PPP2R5C: variants seen among roughly 807,000 people sequenced by gnomAD.
The protein encoded by PPP2R5C is serine/threonine-protein phosphatase 2A 56 kDa regulatory subunit gamma isoform.
Under a neutral mutation model 68.9 loss-of-function variants are expected in PPP2R5C, and 7 were observed. That is an observed-to-expected ratio of 0.10 (90% confidence interval 0.06 to 0.19). The LOEUF (loss-of-function observed/expected upper bound fraction) is 0.19. Ranked by LOEUF, PPP2R5C falls within the 10% of genes least tolerant of loss-of-function variation. PPP2R5C has a pLI of 1.00. For missense variants in PPP2R5C, 348 were observed against 641.3 expected (o/e 0.54, Z 4.94); for synonymous variants, 210 against 222.2 (o/e 0.95, Z 0.49).
chr14:101,917,959 C>T lies in PPP2R5C; in HGVS notation c.1443+12C>T. On this transcript the variant is annotated intron_variant, in intron 13 of 13. Coordinates refer to ENST00000334743, the Ensembl canonical transcript of PPP2R5C. The surrounding 1 kb of genome is among the most constrained non-coding windows in gnomAD (Gnocchi z 4.4). Reference sequence around the variant, plus strand: ...ACGAGGCTCATCAGGTAAAAGTGCACCGAGCTCAGCTGGGCACCCATGACT... The same window carrying T: ...ACGAGGCTCATCAGGTAAAAGTGCATCGAGCTCAGCTGGGCACCCATGACT... The T allele has an allele frequency of 6.2e-7, 1 of 1,613,724 alleles. No individual in the cohort carries two copies. The highest frequency in any genetic ancestry group is 1.1e-5 in the South Asian group (1 of 91,078).
At chr14:101,788,392 G>A (rs558720382) in intron 3 of PPP2R5C, among the ~76,000 whole-genome samples, 21 of 152,230 alleles carry the variant, frequency 1.4e-4, no homozygotes, top group African/African-American at 2.9e-4. Flanking sequence ...CAGTTTTGTC[G>A]CCGTATATTA....
intron 12 of PPP2R5C, 133 bp downstream of exon 14, chr14:101,912,606 AG>A (rs2046460347): frequency 1.5e-6 from 2 of 1,336,250 alleles, no homozygotes; most frequent in African/African-American, 3.0e-5. Context: ...TGCAATAAAA[AG>A]TACTTTTAAA....
rs1190389763 is a variant in PPP2R5C, at chr14:101,906,112, T to C, written c.1024-290T>C. On this transcript the variant is annotated intron_variant, in intron 9 of 13. Coordinates refer to ENST00000334743, the Ensembl canonical transcript of PPP2R5C. This position sits in a 1 kb window ranked among gnomAD's most constrained non-coding sequence, Gnocchi z 4.0. ...GGTGGATAGGTGGAATGGCCTCCTT[T>C]GAGTTGTCTCCTCAGCATCTAGCCA... is the stretch of plus-strand genomic sequence containing the variant. 6.6e-6 allele frequency among the ~76,000 whole-genome samples: 1 copy of C among 152,222 alleles called. No homozygotes were observed. Among genetic ancestry groups the C allele is most frequent in the Non-Finnish European group, 1.5e-5 (1 of 68,038 alleles).
In PPP2R5C at chr14:101,781,189, G is replaced by A. The variant is rs1281253868; in HGVS notation, c.94-4829G>A. 6.6e-6 allele frequency among the ~76,000 whole-genome samples: 1 copy of A among 152,174 alleles called. No individual in the cohort carries two copies. The highest frequency in any genetic ancestry group is 1.5e-5 in the Non-Finnish European group (1 of 68,028). On this transcript the variant is annotated intron_variant, in intron 2 of 14. Transcript: ENST00000328724. This position sits in a 1 kb window ranked among gnomAD's most constrained non-coding sequence, Gnocchi z 6.4. Reference sequence around the variant, plus strand: ...TCGGGGCTGCGGCAGGGTCCCCACCGGGCTGTCCACGAACCAGCGAACCAG... The same window carrying A: ...TCGGGGCTGCGGCAGGGTCCCCACCAGGCTGTCCACGAACCAGCGAACCAG...
At chr14:101,763,847 T>C (rs1008901284) in intron 2 of PPP2R5C, among the ~76,000 whole-genome samples, 1 of 152,238 alleles carries the variant, frequency 6.6e-6, no homozygotes, top group African/African-American at 2.4e-5. Flanking sequence ...TGGTTAGTTC[T>C]TTTTCTTCCA....
At chr14:101,803,614 C>G (rs1309234446) in intron 3 of PPP2R5C, among the ~76,000 whole-genome samples, 1 of 151,902 alleles carries the variant, frequency 6.6e-6, no homozygotes. Context: ...GTCCCAGCAA[C>G]TTGGGAGGCT....
intron 2 of PPP2R5C, among the ~76,000 whole-genome samples, chr14:101,769,212 A>G (rs1436639670): frequency 6.6e-6 from 1 of 152,052 alleles, no homozygotes; most frequent in South Asian, 2.1e-4. Flanking sequence ...TGTGTCTTCC[A>G]TATTTTAAAT....
rs568234044 is a variant in PPP2R5C at position 101,917,459 on chromosome 14, A to AG, written c.1327-370dup. Among the ~76,000 whole-genome samples, 18 of 152,206 alleles carry AG rather than the reference A, an allele frequency of 1.2e-4. No homozygotes were observed. The highest frequency in any genetic ancestry group is 4.3e-4 in the African/African-American group (18 of 41,540). ...TCGCTGGCAAAGAATGGGCGGCCAG[A>AG]GGTGAGGGTTCCAGTGGTGAGACAG... On this transcript the variant is annotated intron_variant, in intron 12 of 13. Transcript: ENST00000334743. This position sits in a 1 kb window ranked among gnomAD's most constrained non-coding sequence, Gnocchi z 4.4.
exon 14 of PPP2R5C, chr14:101,925,171 C>A: frequency 6.2e-7 from 1 of 1,614,158 alleles, no homozygotes; most frequent in Non-Finnish European, 8.5e-7. Flanking sequence ...GGACCGTCCT[C>A]TTGCACGCCG....
At chr14:101,850,508 C>A (rs1215185900) in intron 1 of PPP2R5C, among the ~76,000 whole-genome samples, 2 of 152,078 alleles carry the variant, frequency 1.3e-5, no homozygotes, top group African/African-American at 4.8e-5. Context: ...CGAAACAGTC[C>A]ATGTTCATGA....
chr14:101,902,779 T>C (rs947413172), intron 9 of PPP2R5C, among the ~76,000 whole-genome samples: 9 of 152,134 alleles, frequency 5.9e-5, no homozygotes, highest in Non-Finnish European at 1.3e-4. Context: ...CCTTTCAAGA[T>C]GGTTTTGGAA....
intron 2 of PPP2R5C, among the ~76,000 whole-genome samples, chr14:101,871,660 T>TC (rs759150693): frequency 3.3e-5 from 5 of 151,016 alleles, no homozygotes; most frequent in Non-Finnish European, 5.9e-5. Context: ...CTATTTTTTT[T>TC]CTATTTGTCC....
At chr14:101,893,249 A>G in intron 7 of PPP2R5C, 141 bp downstream of exon 9, 1 of 568,408 alleles carries the variant, frequency 1.8e-6, no homozygotes. Flanking sequence ...TCTGGTGATA[A>G]TCGAAAGAAT....
At chr14:101,802,649 A>T (rs2038915639) in intron 3 of PPP2R5C, among the ~76,000 whole-genome samples, 1 of 152,072 alleles carries the variant, frequency 6.6e-6, no homozygotes, top group Admixed American at 6.5e-5. Flanking sequence ...AATTTAAAAC[A>T]TCTCTGCATT....
chr14:101,910,901 G>A (rs1041340873), intron 11 of PPP2R5C, among the ~76,000 whole-genome samples: 8 of 152,118 alleles, frequency 5.3e-5, no homozygotes, highest in Non-Finnish European at 4.4e-5. Context: ...TCAGGAGTTC[G>A]AGACAAGCCT....
rs538803384 is a variant in PPP2R5C at position 101,917,126 on chromosome 14, C to T, written c.1327-705C>T. On this transcript the variant is annotated intron_variant, in intron 12 of 13. Transcript: ENST00000334743. The surrounding 1 kb of genome is among the most constrained non-coding windows in gnomAD (Gnocchi z 4.4). ...CAGCCACCCTCCGGGGTGACCTTAC[C>T]CCCGCACTACACTCATGGAAATGGA... Among the ~76,000 whole-genome samples the T allele has an allele frequency of 6.6e-6, 1 of 152,242 alleles. No homozygotes were observed. Among genetic ancestry groups the T allele is most frequent in the African/African-American group, 2.4e-5 (1 of 41,534 alleles).
chr14:101,894,140 A>G (rs1209404934), intron 7 of PPP2R5C, among the ~76,000 whole-genome samples: 2 of 152,264 alleles, frequency 1.3e-5, no homozygotes, highest in Non-Finnish European at 2.9e-5. Flanking sequence ...GTTGTACAAA[A>G]GAAATTAATA....
chr14:101,818,803 A>G, intron 1 of PPP2R5C: 1 of 532,246 alleles, frequency 1.9e-6, no homozygotes, highest in African/African-American at 1.9e-5. Flanking sequence ...TTAAATGTTG[A>G]TATTTTGGTG....
At chr14:101,859,471 G>T (rs2042628517) in intron 2 of PPP2R5C, among the ~76,000 whole-genome samples, 1 of 152,124 alleles carries the variant, frequency 6.6e-6, no homozygotes, top group African/African-American at 2.4e-5. Context: ...TTTCCTTTCT[G>T]CTCTAAGTTC....
Sources: allele counts gnomAD v4.1 joint callset (sites outside exome capture counted in the v4.1 genomes callset), GRCh38; gene constraint gnomAD v4.1.1; non-coding constraint Gnocchi (gnomAD v3.1); transcripts MANE v1.5; gene names NCBI Gene and HGNC (gene_info 2026-07-23, HGNC 2026-07-21).